Variants in RBFOX1 observed in about 807,000 individuals in gnomAD.
RBFOX1 encodes RNA binding fox-1 homolog 1.
In RBFOX1, 8 loss-of-function variants were observed where a neutral mutation model predicts 57.7. The observed-to-expected ratio is 0.14, with a 90% CI of 0.08 to 0.25. RBFOX1 has a LOEUF of 0.25. Ranked by LOEUF, RBFOX1 falls within the 10% of genes least tolerant of loss-of-function variation. The pLI, the probability that RBFOX1 is intolerant of heterozygous loss-of-function variation, is 1.00. For synonymous variants in RBFOX1, 326 were observed against 222.4 expected, an observed-to-expected ratio of 1.47 and a Z score of -4.15; for missense variants, 611 against 548.5, an observed-to-expected ratio of 1.11 and a Z score of -1.14.
At chr16:6,347,338 G>A (rs1599888845) in intron 2 of RBFOX1, among the ~76,000 whole-genome samples, 1 of 152,140 alleles carries the variant, frequency 6.6e-6, no homozygotes, top group South Asian at 2.1e-4. Flanking sequence ...CTTCATGTGT[G>A]CTGCATACTA....
chr16:6,006,726 G>A (rs1395952643), intron 4 of RBFOX1, among the ~76,000 whole-genome samples: 1 of 152,220 alleles, frequency 6.6e-6, no homozygotes, highest in Non-Finnish European at 1.5e-5. Flanking sequence ...TCTTGGATAT[G>A]TGGAGAGTGG....
intron 3 of RBFOX1, among the ~76,000 whole-genome samples, chr16:6,972,834 A>T (rs2085887518): frequency 6.6e-6 from 1 of 152,102 alleles, no homozygotes; most frequent in East Asian, 1.9e-4. Flanking sequence ...ATAAAACCAG[A>T]GACAAGGGGC....
At chr16:6,742,704 G>A (rs185190804) in intron 3 of RBFOX1, among the ~76,000 whole-genome samples, 128 of 152,214 alleles carry the variant, frequency 8.4e-4, no homozygotes, top group African/African-American at 3.0e-3. Context: ...AATCTCAAGG[G>A]CACAATGTTG....
intron 4 of RBFOX1, among the ~76,000 whole-genome samples, chr16:7,282,599 C>T (rs1240760979): frequency 6.6e-6 from 1 of 151,476 alleles, no homozygotes; most frequent in Non-Finnish European, 1.5e-5. Context: ...AAAATTTTTC[C>T]ATAGGTTATT....
chr16:6,910,833 C>G (rs2071383643), intron 3 of RBFOX1, among the ~76,000 whole-genome samples: 2 of 152,306 alleles, frequency 1.3e-5, no homozygotes, highest in African/African-American at 4.8e-5. Flanking sequence ...TATATCTAAG[C>G]TTATATCCAG....
At position 7,587,281 on chromosome 16, in the gene RBFOX1, T is replaced by G. The variant is rs2094181128; in HGVS notation, c.449T>G (p.Phe150Cys). The change falls in exon 7 of 16, where the codon TTT becomes TGT. Residue 150 changes from phenylalanine (F) to cysteine (C), a missense_variant. Physicochemically the swap from Phe to Cys is radical, Grantham distance 205 (BLOSUM62 -2). Coordinates refer to ENST00000550418, the MANE Select transcript of RBFOX1 (RefSeq NM_018723.4). ...FGKILDVEII[F>C]NERGSKGFGF... ...AAAATCTTAGATGTTGAAATTATTT[T>G]TAATGAGCGAGGCTCAAAGGTAAGC... The G allele has an allele frequency of 6.4e-7, 1 of 1,567,656 alleles. No individual in the cohort carries two copies. The highest frequency in any genetic ancestry group is 1.4e-5 in the African/African-American group (1 of 73,178).
intron 4 of RBFOX1, among the ~76,000 whole-genome samples, chr16:7,320,822 C>T (rs2096532012): frequency 6.6e-6 from 1 of 152,202 alleles, no homozygotes; most frequent in African/African-American, 2.4e-5. Context: ...AGAGCAACCG[C>T]ACAACAACCC....
Position 7,609,913 on chromosome 16 carries a change from G to A in RBFOX1, c.676+2575G>A, listed in dbSNP as rs1341169979. Among the ~76,000 whole-genome samples the A allele has an allele frequency of 3.3e-5, 5 of 151,910 alleles. No individual in the cohort carries two copies. The South Asian group carries it at 6.2e-4, about 19-fold the overall frequency. On this transcript the variant is annotated intron_variant, in intron 10 of 15. Transcript: ENST00000550418. ...GTTCACTGCAAGCTCTGCCTCCCGGGTTCAAGTGATTCTCCTGCCTCAGCC... is the reference window on the plus strand; with the variant it reads ...GTTCACTGCAAGCTCTGCCTCCCGGATTCAAGTGATTCTCCTGCCTCAGCC...
At chr16:6,280,739 T>C (rs531222297) in intron 1 of RBFOX1, among the ~76,000 whole-genome samples, 1 of 152,196 alleles carries the variant, frequency 6.6e-6, no homozygotes, top group South Asian at 2.1e-4. Context: ...TATGTGTTTA[T>C]ACCGGTCATT....
intron 1 of RBFOX1, among the ~76,000 whole-genome samples, chr16:5,417,747 T>G (rs1218331131): frequency 1.3e-5 from 2 of 152,022 alleles, no homozygotes; most frequent in African/African-American, 4.8e-5. Context: ...TCCAGAGAGG[T>G]GACTGTGTCT....
At chr16:5,766,212 A>G (rs935477902) in intron 3 of RBFOX1, among the ~76,000 whole-genome samples, 3 of 152,188 alleles carry the variant, frequency 2.0e-5, no homozygotes, top group African/African-American at 7.2e-5. Flanking sequence ...TGTGGGGTCC[A>G]ATCATGGCAG....
intron 4 of RBFOX1, among the ~76,000 whole-genome samples, chr16:7,443,385 A>G (rs561222508): frequency 6.6e-6 from 1 of 151,768 alleles, no homozygotes; most frequent in South Asian, 2.1e-4. Context: ...TTTCACATTA[A>G]TCATGTAATT....
chr16:6,976,840 CAT>C lies in RBFOX1; in HGVS notation c.-15-75214_-15-75213del, dbSNP rs1425134882. Among the ~76,000 whole-genome samples, 4 of 134,536 alleles carry C rather than the reference CAT, an allele frequency of 3.0e-5. No homozygotes were observed. In the East Asian group the frequency reaches 6.6e-4, roughly 22 times the overall value. The allele number at this position is 134,536 out of a possible 152,430, so 88.3% of individuals were successfully genotyped here. ...TCTAGATCATATATAATGTACCTAT[CAT>C]ATGATGTATATCACATATATATCAC... On this transcript the variant is annotated intron_variant, in intron 3 of 15. Coordinates refer to ENST00000550418, the MANE Select transcript of RBFOX1 (RefSeq NM_018723.4).
At chr16:7,469,765 A>G (rs78984272) in intron 4 of RBFOX1, among the ~76,000 whole-genome samples, 6,619 of 152,174 alleles carry the variant, frequency 0.043, 442 homozygotes, top group African/African-American at 0.15. Flanking sequence ...TTGTTGTGCA[A>G]TTACTACCAT....
At chr16:6,742,244 T>C (rs1247647523) in intron 3 of RBFOX1, among the ~76,000 whole-genome samples, 1 of 152,202 alleles carries the variant, frequency 6.6e-6, no homozygotes, top group Non-Finnish European at 1.5e-5. Flanking sequence ...AATTCGGCAT[T>C]ACTAGCTATT....
intron 2 of RBFOX1, among the ~76,000 whole-genome samples, chr16:6,601,999 G>A (rs2097859105): frequency 6.6e-6 from 1 of 152,178 alleles, no homozygotes; most frequent in Admixed American, 6.5e-5. Flanking sequence ...TAGGACAGGG[G>A]ATGGAGGAAT....
intron 1 of RBFOX1, among the ~76,000 whole-genome samples, chr16:5,265,253 TC>T (rs2062829928): frequency 6.6e-6 from 1 of 152,158 alleles, no homozygotes. Context: ...TTTCAGTCTT[TC>T]CCCTTCCACA....
chr16:6,518,515 G>C (rs577798792), intron 2 of RBFOX1, among the ~76,000 whole-genome samples: 12 of 152,156 alleles, frequency 7.9e-5, no homozygotes, highest in African/African-American at 2.6e-4. Context: ...TTTTCTCTGG[G>C]TCATGTAGAT....
intron 3 of RBFOX1, among the ~76,000 whole-genome samples, chr16:5,684,850 T>G (rs775706613): frequency 3.0e-4 from 45 of 152,156 alleles, no homozygotes; most frequent in African/African-American, 1.0e-3. Context: ...TGCGTTATGA[T>G]GTGAATGGGT....
Sources: gnomAD v4.1 joint callset for allele counts (sites outside exome capture counted in the v4.1 genomes callset) on GRCh38, gnomAD v4.1.1 for gene constraint, MANE v1.5 for transcripts, NCBI Gene and HGNC (gene_info 2026-07-23, HGNC 2026-07-21) for gene names.